LPP: variants seen among roughly 807,000 people sequenced by gnomAD.
LPP encodes lipoma-preferred partner.
A neutral mutation model predicts 60.4 loss-of-function variants in LPP; 38 were observed. The ratio of observed to expected loss-of-function variants is 0.63; its 90% confidence interval spans 0.49 to 0.83. LPP has a LOEUF of 0.83. Ranked by LOEUF, LPP falls within the 40% of genes least tolerant of loss-of-function variation. The pLI, the probability that LPP is intolerant of heterozygous loss-of-function variation, is 0.00. For synonymous variants in LPP, 328 were observed against 290.8 expected, an observed-to-expected ratio of 1.13 and a Z score of -1.30; for missense variants, 902 against 783.6, an observed-to-expected ratio of 1.15 and a Z score of -1.80.
intron 1 of LPP, among the ~76,000 whole-genome samples, chr3:188,203,969 G>A (rs1434806402): frequency 6.6e-6 from 1 of 152,170 alleles, no homozygotes; most frequent in African/African-American, 2.4e-5. Context: ...ACTACAAAGA[G>A]CTACAGACAT....
intron 4 of LPP, among the ~76,000 whole-genome samples, chr3:188,454,977 C>A (rs145958197): frequency 3.4e-4 from 52 of 152,266 alleles, no homozygotes; most frequent in African/African-American, 1.1e-3. Flanking sequence ...ATTCGAAAGC[C>A]AACTTAGTGT....
intron 10 of LPP, among the ~76,000 whole-genome samples, chr3:188,870,611 G>A (rs987529343): frequency 2.0e-5 from 3 of 152,156 alleles, no homozygotes; most frequent in Admixed American, 1.3e-4. Flanking sequence ...ACAGGGCTTG[G>A]CACATAATAA....
intron 6 of LPP, among the ~76,000 whole-genome samples, chr3:188,550,690 G>T (rs537173225): frequency 3.2e-4 from 49 of 152,060 alleles, no homozygotes; most frequent in Non-Finnish European, 4.6e-4. Flanking sequence ...GAATTAGCTG[G>T]TTAGCTGCAC....
At chr3:188,546,361 T>C (rs1826648015) in intron 6 of LPP, among the ~76,000 whole-genome samples, 1 of 152,138 alleles carries the variant, frequency 6.6e-6, no homozygotes, top group Admixed American at 6.6e-5. Flanking sequence ...TGTATCTCAG[T>C]TAGAGAAAGT....
At position 188,822,756 on chromosome 3, in the gene LPP, G is replaced by A. The variant is rs1233073780; in HGVS notation, c.1411-43444G>A. Among the ~76,000 whole-genome samples the A allele has an allele frequency of 2.6e-5, 4 of 152,168 alleles. No individual in the cohort carries two copies. The East Asian group carries it at 7.7e-4, about 29-fold the overall frequency. ...AGTAGGTGTTTGTTGAATGGAAGAAGCAGGCACAATCACAGCTTTCCCTTC... is the reference window on the plus strand; with the variant it reads ...AGTAGGTGTTTGTTGAATGGAAGAAACAGGCACAATCACAGCTTTCCCTTC... On this transcript the variant is annotated intron_variant, in intron 9 of 11. Coordinates refer to ENST00000617246, the MANE Select transcript of LPP (RefSeq NM_001375462.1).
rs1560284148 is a variant in LPP, at chr3:188,352,229, A to G, written c.-10+10510A>G. ...GTTAAATACACAATAAAAATAGCTT[A>G]TGATCTATGGGACTTGGTATTAAGC... On this transcript the variant is annotated intron_variant, in intron 3 of 11. Transcript: ENST00000617246. This position sits in a 1 kb window ranked among gnomAD's most constrained non-coding sequence, Gnocchi z 4.4. 6.6e-6 allele frequency among the ~76,000 whole-genome samples: 1 copy of G among 152,222 alleles called. No homozygotes were observed. The highest frequency in any genetic ancestry group is 1.5e-5 in the Non-Finnish European group (1 of 68,048).
intron 3 of LPP, among the ~76,000 whole-genome samples, chr3:188,369,727 T>G (rs1024544908): frequency 2.6e-5 from 4 of 152,198 alleles, no homozygotes; most frequent in African/African-American, 9.7e-5. Context: ...CTGGGCGCTG[T>G]GAATCAGCAG....
At chr3:188,636,850 G>A (rs60544217) in intron 7 of LPP, among the ~76,000 whole-genome samples, 1 of 150,100 alleles carries the variant, frequency 6.7e-6, no homozygotes, top group Non-Finnish European at 1.5e-5. Context: ...TGAGGGTCCT[G>A]TCTGTTAGAA....
chr3:188,524,913 T>TCCG (rs1560518838), intron 6 of LPP, 126 bp downstream of exon 6: 7 of 586,038 alleles, frequency 1.2e-5, no homozygotes, highest in Non-Finnish European at 1.6e-5. Flanking sequence ...CCTTCCTTCC[T>TCCG]TCCTTCCTTC....
intron 3 of LPP, among the ~76,000 whole-genome samples, chr3:188,368,613 C>G (rs1463941361): frequency 1.3e-5 from 2 of 151,820 alleles, no homozygotes; most frequent in African/African-American, 4.8e-5. Context: ...TTTGTACACT[C>G]TGTTAAAAAG....
At chr3:188,339,838 C>T (rs2150633042) in intron 2 of LPP, among the ~76,000 whole-genome samples, 1 of 152,312 alleles carries the variant, frequency 6.6e-6, no homozygotes, top group Middle Eastern at 3.4e-3. Flanking sequence ...ACACTTTGCC[C>T]AGGGATGTTG....
chr3:188,381,678 C>T (rs538542748), intron 3 of LPP, among the ~76,000 whole-genome samples: 14 of 152,172 alleles, frequency 9.2e-5, no homozygotes, highest in South Asian at 4.2e-4. Flanking sequence ...TTGGGGGTAG[C>T]GTGAGAGTTG....
intron 6 of LPP, among the ~76,000 whole-genome samples, chr3:188,602,171 A>G (rs1841430321): frequency 1.5e-5 from 2 of 130,548 alleles, no homozygotes; most frequent in South Asian, 2.3e-4. Flanking sequence ...TATAATATAT[A>G]TATATTATAT....
chr3:188,796,711 G>A (rs1016803133), intron 9 of LPP, among the ~76,000 whole-genome samples: 3 of 152,138 alleles, frequency 2.0e-5, no homozygotes, highest in African/African-American at 7.2e-5. Context: ...TCTACTACAT[G>A]ATTTAGTAGA....
chr3:188,334,277 A>C (rs1760968071), intron 2 of LPP, among the ~76,000 whole-genome samples: 1 of 151,818 alleles, frequency 6.6e-6, no homozygotes, highest in Admixed American at 6.6e-5. Context: ...CTGTTGATGG[A>C]TACTTAGATT....
chr3:188,548,175 G>C (rs1827164612), intron 6 of LPP, among the ~76,000 whole-genome samples: 1 of 152,214 alleles, frequency 6.6e-6, no homozygotes, highest in Admixed American at 6.5e-5. Flanking sequence ...GCGATATGGT[G>C]TGGTAGATGG....
At chr3:188,580,089 G>A (rs184589077) in intron 6 of LPP, among the ~76,000 whole-genome samples, 16 of 151,732 alleles carry the variant, frequency 1.1e-4, no homozygotes, top group South Asian at 2.1e-4. Context: ...TTTAAACCTC[G>A]GCTTATACAA....
At chr3:188,541,064 C>T (rs1016794820) in intron 6 of LPP, among the ~76,000 whole-genome samples, 1 of 152,180 alleles carries the variant, frequency 6.6e-6, no homozygotes, top group Non-Finnish European at 1.5e-5. Flanking sequence ...ACAACCTTCA[C>T]TTAAATGCAA....
chr3:188,210,727 G>A (rs1734467665), intron 1 of LPP, among the ~76,000 whole-genome samples: 1 of 152,054 alleles, frequency 6.6e-6, no homozygotes, highest in Admixed American at 6.6e-5. Context: ...CTTGGTCTTT[G>A]GTTTTTAAAG....
Sources: allele counts gnomAD v4.1 joint callset (sites outside exome capture counted in the v4.1 genomes callset), GRCh38; gene constraint gnomAD v4.1.1; non-coding constraint Gnocchi (gnomAD v3.1); transcripts MANE v1.5; gene names NCBI Gene and HGNC (gene_info 2026-07-23, HGNC 2026-07-21).